ZDHHC18: variants seen among roughly 807,000 people sequenced by gnomAD.
The protein encoded by ZDHHC18 is palmitoyltransferase ZDHHC18.
A neutral mutation model predicts 37.5 loss-of-function variants in ZDHHC18; 23 were observed. The ratio of observed to expected loss-of-function variants is 0.61; its 90% CI spans 0.44 to 0.87. The LOEUF (loss-of-function observed/expected upper bound fraction) is 0.87, where lower values mean the gene tolerates loss of function less well. Among genes scored for constraint, ZDHHC18 ranks in the 40% least tolerant of loss-of-function variants. The pLI, the probability that ZDHHC18 is intolerant of heterozygous loss-of-function variation, is 0.00. For missense variants in ZDHHC18, 406 were observed against 525.6 expected (o/e 0.77, Z 2.22); for synonymous variants, 185 against 218.7 (o/e 0.85, Z 1.36).
chr1:26,850,610 T>G lies in ZDHHC18; in HGVS notation c.833+4T>G. 6.2e-7 allele frequency: 1 copy of G among 1,614,106 alleles called. No homozygotes were observed. The highest frequency in any genetic ancestry group is 8.5e-7 in the Non-Finnish European group (1 of 1,179,998). Reference sequence around the variant, plus strand: ...CTCTGAAGGAGACACCAGCAAGATATCCTTTGTCAGCTAGAGGACACTCCA... The same window carrying G: ...CTCTGAAGGAGACACCAGCAAGATAGCCTTTGTCAGCTAGAGGACACTCCA... On this transcript the variant is annotated splice_donor_region_variant and intron_variant, in intron 5 of 7. Transcript: ENST00000374142. This position sits in a 1 kb window ranked among gnomAD's most constrained non-coding sequence, Gnocchi z 6.1.
chr1:26,856,317 C>G lies in ZDHHC18; in HGVS notation c.*2474C>G, dbSNP rs186359446. On this transcript the variant is annotated 3_prime_UTR_variant, in exon 8 of 8. Coordinates refer to ENST00000374142, the MANE Select transcript of ZDHHC18 (RefSeq NM_032283.3). The surrounding 1 kb of genome is among the most constrained non-coding windows in gnomAD (Gnocchi z 5.2). Reference sequence around the variant, plus strand: ...ACTGCCCGCTCCCCTCACACACCATCTCATCCTCATCGCATGCCTCGCCAA... The same window carrying G: ...ACTGCCCGCTCCCCTCACACACCATGTCATCCTCATCGCATGCCTCGCCAA... 2,045 of 411,202 alleles carry G rather than the reference C, an allele frequency of 5.0e-3. 78 individuals are homozygous for G. The highest frequency in any genetic ancestry group is 0.047 in the Admixed American group (1,940 of 41,374). 25.5% of individuals were successfully genotyped at this position (411,202 alleles called of 1,614,324 possible). A position where few individuals can be genotyped will look rare whatever the true frequency, so the allele number is the denominator to read the frequency against.
In ZDHHC18 at chr1:26,832,504, C is replaced by A. The variant is rs1557640220; in HGVS notation, c.393C>A (p.Leu131=). ...TLAIPIIAAI[L]FFFVMSCLLQ... is the part of the protein sequence containing the mutation. ...CCATCCCCATCATCGCTGCCATCCT[C>A]TTCTTCTTCGTCATGAGCTGCCTGC... The change falls in exon 2 of 8, where the codon CTC becomes CTA. Residue 131 remains leucine, a synonymous_variant. Coordinates refer to ENST00000374142, the MANE Select transcript of ZDHHC18 (RefSeq NM_032283.3). 2.5e-6 allele frequency: 4 copies of A among 1,614,114 alleles called. No individual in the cohort carries two copies. Among genetic ancestry groups the A allele is most frequent in the Non-Finnish European group, 2.5e-6 (3 of 1,179,956 alleles).
intron 1 of ZDHHC18, among the ~76,000 whole-genome samples, chr1:26,827,549 T>A (rs1236889682): frequency 6.6e-6 from 1 of 151,994 alleles, no homozygotes; most frequent in Non-Finnish European, 1.5e-5. Context: ...CTGGACCATC[T>A]CTTGCCAACC....
intron 1 of ZDHHC18, among the ~76,000 whole-genome samples, chr1:26,828,587 G>A (rs1416828783): frequency 6.6e-6 from 1 of 151,980 alleles, no homozygotes; most frequent in African/African-American, 2.4e-5. Context: ...CCGCCCCCAG[G>A]TACCCTTTCT....
At chr1:26,843,087 C>T (rs1417127156) in intron 2 of ZDHHC18, among the ~76,000 whole-genome samples, 1 of 151,976 alleles carries the variant, frequency 6.6e-6, no homozygotes. Flanking sequence ...GCCGATATAC[C>T]AGGGCAGGAC....
At chr1:26,837,918 T>C (rs888205210) in intron 2 of ZDHHC18, among the ~76,000 whole-genome samples, 4 of 152,102 alleles carry the variant, frequency 2.6e-5, no homozygotes, top group African/African-American at 9.7e-5. Flanking sequence ...TGCTTGTGCT[T>C]GTGCTGTCCC....
At chr1:26,853,089 T>C (rs922096938) in intron 7 of ZDHHC18, 8 of 483,580 alleles carry the variant, frequency 1.7e-5, no homozygotes, top group Non-Finnish European at 1.9e-5. Flanking sequence ...CAGAGGAGCA[T>C]TGGATATGAC....
chr1:26,831,823 A>C (rs1221806766), intron 1 of ZDHHC18, among the ~76,000 whole-genome samples: 1 of 152,086 alleles, frequency 6.6e-6, no homozygotes, highest in Non-Finnish European at 1.5e-5. Flanking sequence ...CCCTCTACTC[A>C]TTCTTCAGGT....
intron 2 of ZDHHC18, among the ~76,000 whole-genome samples, chr1:26,839,593 A>T (rs1324007491): frequency 6.6e-6 from 1 of 152,156 alleles, no homozygotes; most frequent in Non-Finnish European, 1.5e-5. Flanking sequence ...CTATTATTGG[A>T]GTGAACTTGC....
chr1:26,857,464 C>T lies in ZDHHC18; in HGVS notation c.*3621C>T, dbSNP rs1355374548. ...GAGGGACCAAGCTAGCCGTGCACAG[C>T]CCCATACACTTCAGGGGACTAAAGG... is the stretch of plus-strand genomic sequence containing the variant. On this transcript the variant is annotated 3_prime_UTR_variant, in exon 8 of 8. Transcript: ENST00000374142. 1 of 152,248 alleles carries T rather than the reference C, an allele frequency of 6.6e-6. No individual in the cohort carries two copies. Among genetic ancestry groups the T allele is most frequent in the Non-Finnish European group, 1.5e-5 (1 of 68,082 alleles). The allele number at this position is 152,248 out of a possible 1,614,324, so 9.4% of individuals were successfully genotyped here. A position where few individuals can be genotyped will look rare whatever the true frequency, so the allele number is the denominator to read the frequency against.
intron 7 of ZDHHC18, 86 bp from the exon 8 acceptor site, chr1:26,853,640 G>A (rs1433698046): frequency 1.5e-6 from 2 of 1,305,550 alleles, no homozygotes; most frequent in Non-Finnish European, 2.2e-6. Flanking sequence ...CCTTTCCTTG[G>A]CTGAGATAGA....
At chr1:26,851,462 G>A (rs1255394268) in intron 6 of ZDHHC18, among the ~76,000 whole-genome samples, 1 of 152,216 alleles carries the variant, frequency 6.6e-6, no homozygotes, top group Non-Finnish European at 1.5e-5. Flanking sequence ...CAAGGTCCCA[G>A]GTTGCTTTTC....
intron 3 of ZDHHC18, among the ~76,000 whole-genome samples, chr1:26,849,842 C>A (rs1557645480): frequency 6.6e-6 from 1 of 152,234 alleles, no homozygotes; most frequent in South Asian, 2.1e-4. Flanking sequence ...TGTGCCGGCA[C>A]TGCTCTGGAT....
intron 2 of ZDHHC18, among the ~76,000 whole-genome samples, chr1:26,840,037 C>T (rs552640576): frequency 4.6e-5 from 7 of 152,308 alleles, no homozygotes; most frequent in South Asian, 2.1e-4. Context: ...CTCAGGAAGC[C>T]GGGGTACAGA....
At chr1:26,849,353 G>A (rs1049908423) in intron 3 of ZDHHC18, among the ~76,000 whole-genome samples, 5 of 152,150 alleles carry the variant, frequency 3.3e-5, no homozygotes, top group Non-Finnish European at 1.5e-5. Context: ...AGAGGGTGTT[G>A]TAAGGGAAAT....
At chr1:26,841,323 G>A (rs1570670576) in intron 2 of ZDHHC18, among the ~76,000 whole-genome samples, 2 of 152,046 alleles carry the variant, frequency 1.3e-5, no homozygotes, top group East Asian at 3.9e-4. Flanking sequence ...ATAGAGATGG[G>A]GTCTCACACT....
intron 7 of ZDHHC18, 121 bp downstream of exon 7, chr1:26,852,986 G>A (rs913993398): frequency 2.7e-6 from 2 of 744,132 alleles, no homozygotes; most frequent in Admixed American, 6.0e-5. Flanking sequence ...CTACCCCCTG[G>A]AGGGCATTTG....
chr1:26,850,533 T>C lies in ZDHHC18; in HGVS notation c.785-25T>C. 1.9e-6 allele frequency: 3 copies of C among 1,614,138 alleles called. No homozygotes were observed. The highest frequency in any genetic ancestry group is 1.1e-5 in the South Asian group (1 of 91,080). ...AGCAGTCACTGTCCCTCTGAGCTTG[T>C]CCTCTCCTGTTTCTTTCTCCCCAGG... On this transcript the variant is annotated intron_variant, in intron 4 of 7. Coordinates refer to ENST00000374142, the MANE Select transcript of ZDHHC18 (RefSeq NM_032283.3). This position sits in a 1 kb window ranked among gnomAD's most constrained non-coding sequence, Gnocchi z 6.1.
rs1482395857 is a variant in ZDHHC18, at chr1:26,854,617, A to G, written c.*774A>G. 2.0e-5 allele frequency: 3 copies of G among 152,572 alleles called. No homozygotes were observed. Among genetic ancestry groups the G allele is most frequent in the Non-Finnish European group, 2.9e-5 (2 of 68,036 alleles). 9.5% of individuals were successfully genotyped at this position (152,572 alleles called of 1,614,324 possible). On this transcript the variant is annotated 3_prime_UTR_variant, in exon 8 of 8. Transcript: ENST00000374142. This position sits in a 1 kb window ranked among gnomAD's most constrained non-coding sequence, Gnocchi z 4.6. ...CTTCTCTCCCAAGCCAGGTCCCGGC[A>G]TGGGTGGGTTATGCTCATGCTGGCA...
Sources: gnomAD v4.1 joint callset for allele counts (sites outside exome capture counted in the v4.1 genomes callset) on GRCh38, gnomAD v4.1.1 for gene constraint, Gnocchi (gnomAD v3.1) non-coding constraint, MANE v1.5 for transcripts, NCBI Gene and HGNC (gene_info 2026-07-23, HGNC 2026-07-21) for gene names.